UGGT2: variants seen among roughly 807,000 people sequenced by gnomAD.
UGGT2 encodes UDP-glucose glycoprotein glucosyltransferase 2, also known as UDP-glucose:glycoprotein glucosyltransferase 2.
UGGT2 carries 180 observed loss-of-function variants against 192.1 expected under a neutral mutation model. The ratio of observed to expected loss-of-function variants is 0.94; its 90% CI spans 0.83 to 1.06. The LOEUF (loss-of-function observed/expected upper bound fraction) is 1.06. Among genes scored for constraint, UGGT2 ranks in the 50% least tolerant of loss-of-function variants. UGGT2 has a pLI of 0.00. For missense variants in UGGT2, 1,849 were observed against 1,795.7 expected (o/e 1.03, Z -0.54); for synonymous variants, 580 against 591.0 (o/e 0.98, Z 0.27).
chr13:95,856,547 A>G (rs1336221944), intron 33 of UGGT2: 2 of 529,718 alleles, frequency 3.8e-6, no homozygotes, highest in African/African-American at 3.9e-5. Flanking sequence ...AAATAAAACT[A>G]TATAATTTAA....
chr13:96,029,207 A>C (rs115510470), intron 2 of UGGT2, among the ~76,000 whole-genome samples: 1,959 of 152,270 alleles, frequency 0.013, 41 homozygotes, highest in African/African-American at 0.045. Context: ...CACATTTAAC[A>C]AGGTCAGCAA....
chr13:95,838,515 G>A (rs908708687), intron 36 of UGGT2, among the ~76,000 whole-genome samples: 2 of 152,102 alleles, frequency 1.3e-5, no homozygotes, highest in African/African-American at 4.8e-5. Context: ...AATAAAGTCA[G>A]AGGGCTGACA....
At chr13:96,013,554 G>T in intron 4 of UGGT2, 73 bp from the exon 5 acceptor site, 1 of 1,032,238 alleles carries the variant, frequency 9.7e-7, no homozygotes. Context: ...TATAATTACT[G>T]CTTATCAAAC....
chr13:95,814,678 A>C (rs1884735135), intron 38 of UGGT2, among the ~76,000 whole-genome samples: 1 of 151,448 alleles, frequency 6.6e-6, no homozygotes, highest in African/African-American at 2.5e-5. Flanking sequence ...CATTAACTCA[A>C]AACTCCAAAG....
At chr13:95,942,245 T>G (rs1046950333) in intron 15 of UGGT2, among the ~76,000 whole-genome samples, 1 of 150,840 alleles carries the variant, frequency 6.6e-6, no homozygotes, top group African/African-American at 2.4e-5. Context: ...TGTGTGTGTG[T>G]GTGTGTGTGT....
At chr13:95,829,008 G>T (rs2139848983) in intron 38 of UGGT2, among the ~76,000 whole-genome samples, 1 of 152,254 alleles carries the variant, frequency 6.6e-6, no homozygotes, top group Middle Eastern at 3.4e-3. Flanking sequence ...TGCAAGGCTG[G>T]TTCAACATAC....
At chr13:96,003,477 G>C (rs1371397771) in intron 5 of UGGT2, among the ~76,000 whole-genome samples, 1 of 152,118 alleles carries the variant, frequency 6.6e-6, no homozygotes, top group Non-Finnish European at 1.5e-5. Flanking sequence ...AGGAAATTGA[G>C]TCTATTTTTC....
chr13:95,988,165 C>T (rs1453396982), intron 8 of UGGT2, among the ~76,000 whole-genome samples: 2 of 151,940 alleles, frequency 1.3e-5, no homozygotes, highest in Non-Finnish European at 2.9e-5. Context: ...ATACTGGAAT[C>T]GAATAATCCA....
intron 4 of UGGT2, among the ~76,000 whole-genome samples, chr13:96,016,749 C>G (rs182029112): frequency 6.6e-6 from 1 of 152,216 alleles, no homozygotes; most frequent in Non-Finnish European, 1.5e-5. Context: ...CACACAGAGT[C>G]CCCACCTGGA....
intron 16 of UGGT2, among the ~76,000 whole-genome samples, chr13:95,938,594 T>C (rs1300100965): frequency 2.0e-5 from 3 of 152,196 alleles, no homozygotes; most frequent in East Asian, 1.9e-4. Context: ...GTACGTTTAG[T>C]GGGCACCTAC....
intron 5 of UGGT2, among the ~76,000 whole-genome samples, chr13:96,001,880 T>C (rs1349834084): frequency 6.6e-6 from 1 of 152,226 alleles, no homozygotes; most frequent in African/African-American, 2.4e-5. Context: ...GATCCACTTC[T>C]ATTTAATGAA....
At position 95,940,723 on chromosome 13, in the gene UGGT2, T is replaced by G. The variant is rs140436671; in HGVS notation, c.1678-632A>C. Reference sequence around the variant, plus strand: ...ACCTCCTGCGGCCTCCCGAAGGGCTTGGCTTACAGGAACTTGCCACCACAT... The same window carrying G: ...ACCTCCTGCGGCCTCCCGAAGGGCTGGGCTTACAGGAACTTGCCACCACAT... On this transcript the variant is annotated intron_variant, in intron 15 of 38. Transcript: ENST00000376747. Among the ~76,000 whole-genome samples the G allele has an allele frequency of 3.2e-3, 481 of 149,844 alleles. 3 individuals carry two copies. Among genetic ancestry groups the G allele is most frequent in the African/African-American group, 0.011 (459 of 41,294 alleles).
At chr13:95,960,325 A>G (rs1317360392) in intron 12 of UGGT2, among the ~76,000 whole-genome samples, 1 of 152,238 alleles carries the variant, frequency 6.6e-6, no homozygotes, top group African/African-American at 2.4e-5. Context: ...AATACTTTAA[A>G]ACAATCCAAA....
At chr13:96,028,070 A>G (rs1191219972) in intron 2 of UGGT2, among the ~76,000 whole-genome samples, 1 of 152,202 alleles carries the variant, frequency 6.6e-6, no homozygotes, top group Non-Finnish European at 1.5e-5. Flanking sequence ...GCCACTGGGC[A>G]CTATTTTATT....
intron 31 of UGGT2, among the ~76,000 whole-genome samples, chr13:95,861,541 T>TC (rs1282961308): frequency 6.6e-6 from 1 of 152,108 alleles, no homozygotes; most frequent in African/African-American, 2.4e-5. Context: ...CTAGACCAAC[T>TC]CCATTTCATT....
In UGGT2 at chr13:95,867,548, TTC is replaced by T. The variant is rs201671483; in HGVS notation, c.3474-127_3474-126del. The T allele has an allele frequency of 1.7e-3, 1,099 of 656,192 alleles. 14 individuals are homozygous for T. In the East Asian group the frequency reaches 0.018, roughly 11 times the overall value. The allele number at this position is 656,192 out of a possible 1,614,324, so 40.6% of individuals were successfully genotyped here. On this transcript the variant is annotated intron_variant, in intron 29 of 38. Transcript: ENST00000376747. ...TAACACTAGTGCATATATCATGTTT[TTC>T]TGTTTCTATAGTCAATTAAGATATA...
chr13:95,957,085 A>G (rs1440679633), intron 12 of UGGT2, among the ~76,000 whole-genome samples: 7 of 152,258 alleles, frequency 4.6e-5, no homozygotes, highest in Admixed American at 4.6e-4. Context: ...ACAAAAGAAT[A>G]TTGTATAATT....
At chr13:95,935,839 T>A (rs1314959181) in intron 17 of UGGT2, among the ~76,000 whole-genome samples, 3 of 152,224 alleles carry the variant, frequency 2.0e-5, no homozygotes, top group Admixed American at 2.0e-4. Flanking sequence ...TAAAAATTCT[T>A]CTTTTCAGAC....
rs185953731 is a variant in UGGT2, at chr13:95,969,401, A to C, written c.1335+711T>G. Among the ~76,000 whole-genome samples, 21 of 152,288 alleles carry C rather than the reference A, an allele frequency of 1.4e-4. No individual in the cohort carries two copies. The East Asian group carries it at 3.7e-3, about 27-fold the overall frequency. On this transcript the variant is annotated intron_variant, in intron 12 of 38. Transcript: ENST00000376747. The stretch of plus-strand genomic sequence containing the variant: ...TCCTTCTAGCAAATCACTGGATTAG[A>C]GGTTGGTCTCTGGGGATTCTCTTAA...
Sources: allele counts gnomAD v4.1 joint callset (sites outside exome capture counted in the v4.1 genomes callset), GRCh38; gene constraint gnomAD v4.1.1; transcripts MANE v1.5; gene names NCBI Gene and HGNC (gene_info 2026-07-23, HGNC 2026-07-21).